The following TTC7A variants were observed in gnomAD, a reference collection of about 807,000 sequenced individuals.
The protein encoded by TTC7A is tetratricopeptide repeat domain 7A, also known as tetratricopeptide repeat protein 7A.
TTC7A carries 110 observed loss-of-function variants against 103.7 expected under a neutral mutation model. The observed-to-expected ratio is 1.06, with a 90% CI of 0.91 to 1.24. The LOEUF is 1.24. Ranked by LOEUF, TTC7A falls within the 50% of genes most tolerant of loss-of-function variation. The pLI is 0.00. For synonymous variants in TTC7A, 521 were observed against 467.9 expected (o/e 1.11, Z -1.47); for missense variants, 1,340 against 1,116.3 (o/e 1.20, Z -2.86).
rs534387141 is a variant in TTC7A, at chr2:46,978,772, C to G, written c.649-20C>G. Reference sequence around the variant, plus strand: ...CTCAGAACTTTGAGACAATGGCTCTCTCTCTGTTTCCCTTCCCAGACCACA... The same window carrying G: ...CTCAGAACTTTGAGACAATGGCTCTGTCTCTGTTTCCCTTCCCAGACCACA... On this transcript the variant is annotated intron_variant, in intron 4 of 19. Coordinates refer to ENST00000319190, the MANE Select transcript of TTC7A (RefSeq NM_020458.4). 2 of 1,605,792 alleles carry G rather than the reference C, an allele frequency of 1.2e-6. No individual in the cohort carries two copies. Among genetic ancestry groups the G allele is most frequent in the East Asian group, 2.2e-5 (1 of 44,822 alleles).
At position 47,000,062 on chromosome 2, in the gene TTC7A, A is replaced by T. The variant is rs576927034; in HGVS notation, c.1065+4863A>T. 7.2e-4 allele frequency among the ~76,000 whole-genome samples: 109 copies of T among 152,356 alleles called. No homozygotes were observed. The Middle Eastern group carries it at 0.01, about 14-fold the overall frequency. On this transcript the variant is annotated intron_variant, in intron 8 of 19. Transcript: ENST00000319190. The stretch of plus-strand genomic sequence containing the variant: ...TTCTCATCTGTAAAATGGAGCTAAT[A>T]AGATCTTTCTTGTATGACTTTGGTG...
intron 2 of TTC7A, chr2:46,951,468 A>G (rs1250703566): frequency 2.3e-6 from 1 of 427,058 alleles, no homozygotes; most frequent in Non-Finnish European, 4.7e-6. Flanking sequence ...TTAGAAACTC[A>G]AAAGAGGAGG....
chr2:47,029,183 A>G, intron 14 of TTC7A, 41 bp from the exon 15 acceptor site: 2 of 1,608,532 alleles, frequency 1.2e-6, no homozygotes. Context: ...CCAGGGCAGC[A>G]TGTGCCTGGG....
At chr2:47,056,667 G>A (rs576286577) in intron 18 of TTC7A, among the ~76,000 whole-genome samples, 76 of 152,330 alleles carry the variant, frequency 5.0e-4, no homozygotes, top group African/African-American at 1.5e-3. Flanking sequence ...CAAAGCTCCA[G>A]GGAACAGATG....
intron 2 of TTC7A, among the ~76,000 whole-genome samples, chr2:46,954,423 G>A (rs1300695872): frequency 1.3e-5 from 2 of 152,030 alleles, no homozygotes; most frequent in Non-Finnish European, 2.9e-5. Flanking sequence ...AGAGTGCAGT[G>A]GACTCTTAAT....
At chr2:46,963,629 C>T (rs1400265073) in intron 3 of TTC7A, among the ~76,000 whole-genome samples, 1 of 152,244 alleles carries the variant, frequency 6.6e-6, no homozygotes, top group Admixed American at 6.5e-5. Context: ...CAATGTACAA[C>T]TCCAACTAGT....
chr2:47,031,152 A>C (rs920182811), intron 15 of TTC7A, among the ~76,000 whole-genome samples: 1 of 152,232 alleles, frequency 6.6e-6, no homozygotes, highest in Non-Finnish European at 1.5e-5. Flanking sequence ...GTCTCAAAAA[A>C]GAAAGAGAGA....
rs993337869 is a variant in TTC7A at position 47,050,163 on chromosome 2, T to G, written c.2017+117T>G. 4 of 864,218 alleles carry G rather than the reference T, an allele frequency of 4.6e-6. No homozygotes were observed. The African/African-American group carries it at 5.0e-5, about 11-fold the overall frequency. The allele number at this position is 864,218 out of a possible 1,614,324, so 53.5% of individuals were successfully genotyped here. ...CTCCCAGCCGGGCCAAGCCCACCAC[T>G]GGCTCCTTGCCAGCTCGGGCAACTT... On this transcript the variant is annotated intron_variant, in intron 17 of 19. Transcript: ENST00000319190.
chr2:47,018,620 A>G (rs1455465889), intron 11 of TTC7A, among the ~76,000 whole-genome samples: 1 of 151,624 alleles, frequency 6.6e-6, no homozygotes, highest in Non-Finnish European at 1.5e-5. Context: ...ATTATATCAA[A>G]GCTTATATAC....
intron 8 of TTC7A, chr2:46,999,571 C>T: frequency 1.0e-6 from 1 of 985,464 alleles, no homozygotes; most frequent in South Asian, 4.7e-5. Flanking sequence ...AATGGACTCC[C>T]ATCTACTGCA....
intron 2 of TTC7A, among the ~76,000 whole-genome samples, chr2:46,927,898 T>G (rs1246561652): frequency 2.3e-5 from 3 of 132,908 alleles, no homozygotes; most frequent in Admixed American, 7.5e-5. Context: ...TTTTTTTTTT[T>G]TTTTTTTTTT....
chr2:47,005,364 C>T (rs1302867039), intron 8 of TTC7A, among the ~76,000 whole-genome samples: 1 of 152,180 alleles, frequency 6.6e-6, no homozygotes, highest in East Asian at 1.9e-4. Context: ...CCAATCCAGG[C>T]ACTTTCACAT....
intron 14 of TTC7A, among the ~76,000 whole-genome samples, chr2:47,027,808 C>T (rs757581957): frequency 1.2e-4 from 19 of 152,160 alleles, no homozygotes; most frequent in African/African-American, 3.9e-4. Context: ...AGGGGGGCAG[C>T]GGGCCACCTC....
intron 1 of TTC7A, among the ~76,000 whole-genome samples, chr2:46,942,850 G>A (rs1056864070): frequency 6.6e-6 from 1 of 152,198 alleles, no homozygotes; most frequent in Admixed American, 6.5e-5. Flanking sequence ...GTGATCGGAG[G>A]GCAATTGTTT....
At chr2:46,996,871 A>G (rs188212351) in intron 8 of TTC7A, among the ~76,000 whole-genome samples, 8 of 152,310 alleles carry the variant, frequency 5.3e-5, no homozygotes, top group South Asian at 2.1e-4. Context: ...GCAGACCAGT[A>G]TTCCCATCCC....
chr2:47,025,046 A>T (rs1318015150), intron 14 of TTC7A, among the ~76,000 whole-genome samples: 4 of 152,184 alleles, frequency 2.6e-5, no homozygotes, highest in Admixed American at 6.5e-5. Flanking sequence ...CTTGACCCTG[A>T]TGCCTGCCGA....
At chr2:46,983,990 A>G (rs907769627) in intron 5 of TTC7A, among the ~76,000 whole-genome samples, 1 of 152,162 alleles carries the variant, frequency 6.6e-6, no homozygotes, top group East Asian at 1.9e-4. Flanking sequence ...CATTTCAGGG[A>G]TATTTCTTAG....
intron 8 of TTC7A, among the ~76,000 whole-genome samples, chr2:47,005,398 T>C (rs1281387945): frequency 3.9e-5 from 6 of 152,026 alleles, no homozygotes; most frequent in South Asian, 2.1e-4. Context: ...CTTGCTGTAA[T>C]TGTGAGAATT....
intron 2 of TTC7A, among the ~76,000 whole-genome samples, chr2:46,923,546 T>C (rs1381268261): frequency 6.6e-6 from 1 of 152,134 alleles, no homozygotes; most frequent in Non-Finnish European, 1.5e-5. Flanking sequence ...ATCAGACCTG[T>C]CTCTTTACTC....
Sources: allele counts gnomAD v4.1 joint callset (sites outside exome capture counted in the v4.1 genomes callset), GRCh38; gene constraint gnomAD v4.1.1; transcripts MANE v1.5; gene names NCBI Gene and HGNC (gene_info 2026-07-23, HGNC 2026-07-21).